Variants in PTPRC observed in about 807,000 individuals in gnomAD.
The protein encoded by PTPRC is receptor-type tyrosine-protein phosphatase C.
PTPRC carries 44 observed loss-of-function variants against 155.9 expected under a neutral mutation model. That is an observed-to-expected ratio of 0.28 (90% CI 0.22 to 0.36). The LOEUF (loss-of-function observed/expected upper bound fraction) is 0.36. PTPRC is among the 10% of genes least tolerant of loss of function. The probability of loss-of-function intolerance (pLI) is 1.00; values close to 1 mark genes in which losing one functional copy is unlikely to be tolerated. For synonymous variants in PTPRC, 525 were observed against 533.1 expected (o/e 0.98, Z 0.21); for missense variants, 1,401 against 1,564.6 (o/e 0.90, Z 1.76).
intron 2 of PTPRC, among the ~76,000 whole-genome samples, chr1:198,683,921 T>C (rs1665475992): frequency 6.6e-6 from 1 of 151,662 alleles, no homozygotes; most frequent in Admixed American, 6.6e-5. Context: ...GCAAATACTT[T>C]TAGGAGATCT....
chr1:198,665,883 A>G (rs937602018), intron 2 of PTPRC, among the ~76,000 whole-genome samples: 1 of 152,194 alleles, frequency 6.6e-6, no homozygotes, highest in African/African-American at 2.4e-5. Context: ...CCCTGGAAAG[A>G]CATCCCAAGT....
intron 23 of PTPRC, 96 bp from the exon 24 acceptor site, chr1:198,741,773 C>A (rs374906121): frequency 8.9e-6 from 11 of 1,232,212 alleles, no homozygotes; most frequent in African/African-American, 1.5e-5. Context: ...TATGTTTACA[C>A]GAGGAGACTT....
At chr1:198,725,988 G>T (rs558711729) in intron 15 of PTPRC, among the ~76,000 whole-genome samples, 1 of 152,140 alleles carries the variant, frequency 6.6e-6, no homozygotes, top group South Asian at 2.1e-4. Flanking sequence ...ATATTAGCAG[G>T]GTTCCTGGAA....
chr1:198,666,212 G>T (rs998412706), intron 2 of PTPRC, among the ~76,000 whole-genome samples: 1 of 143,872 alleles, frequency 7.0e-6, no homozygotes, highest in Non-Finnish European at 1.5e-5. Flanking sequence ...CAGCATTCTA[G>T]CCTGGGCAAC....
intron 26 of PTPRC, among the ~76,000 whole-genome samples, chr1:198,746,321 G>C (rs1655130544): frequency 6.6e-6 from 1 of 151,950 alleles, no homozygotes; most frequent in East Asian, 2.0e-4. Context: ...TGGTTTGCAA[G>C]TAGAATCAGG....
At position 198,735,170 on chromosome 1, in the gene PTPRC, G is replaced by A. The variant is rs755859528; in HGVS notation, c.2321G>A (p.Arg774Gln). ...EYWPSMEEGT[R>Q]AFGDVVVKIN... ...TGGCCGTCAATGGAAGAGGGCACTC[G>A]GGCTTTTGGAGATGTTGTTGTAAAG... Residue 774 changes from arginine (R) to glutamine (Q), a missense_variant, in exon 23 of 33, where the codon CGG (arginine) becomes CAG (glutamine). By Grantham distance (43) the Arg-to-Gln change is conservative. Transcript: ENST00000442510. 1.2e-5 allele frequency: 20 copies of A among 1,603,610 alleles called. No homozygotes were observed. The highest frequency in any genetic ancestry group is 4.5e-5 in the East Asian group (2 of 44,464).
intron 4 of PTPRC, among the ~76,000 whole-genome samples, chr1:198,699,147 C>T (rs768093086): frequency 6.6e-6 from 1 of 152,204 alleles, no homozygotes; most frequent in Non-Finnish European, 1.5e-5. Context: ...TCTGTCACAT[C>T]TCTTGTCCAT....
chr1:198,707,067 G>A (rs1254935563), intron 9 of PTPRC, 115 bp downstream of exon 9: 1 of 832,990 alleles, frequency 1.2e-6, no homozygotes, highest in Non-Finnish European at 1.9e-6. Flanking sequence ...TGAGGGAAAG[G>A]AAATTCCTTG....
intron 4 of PTPRC, among the ~76,000 whole-genome samples, chr1:198,697,433 C>A (rs1252858769): frequency 6.6e-6 from 1 of 152,166 alleles, no homozygotes; most frequent in African/African-American, 2.4e-5. Context: ...GCATTTGCAT[C>A]ATTGAAAACA....
In PTPRC at chr1:198,735,262, CT is replaced by C; in HGVS notation, c.2403+15del. On this transcript the variant is annotated intron_variant, in intron 23 of 32. Coordinates refer to ENST00000442510, the MANE Select transcript of PTPRC (RefSeq NM_002838.5). Reference sequence around the variant, plus strand: ...ATTGAACATTGTAAATGTGAGTTTGCTTTTTACATAATTTTTGTTTTGATAC... The same window carrying C: ...ATTGAACATTGTAAATGTGAGTTTGCTTTTACATAATTTTTGTTTTGATAC... The C allele has an allele frequency of 6.3e-7, 1 of 1,591,246 alleles. No homozygotes were observed. The highest frequency in any genetic ancestry group is 8.6e-7 in the Non-Finnish European group (1 of 1,166,264).
At chr1:198,664,770 T>A (rs192624765) in intron 2 of PTPRC, among the ~76,000 whole-genome samples, 1 of 152,132 alleles carries the variant, frequency 6.6e-6, no homozygotes, top group African/African-American at 2.4e-5. Context: ...ATAACCCTGA[T>A]AGTTGCTAGA....
At chr1:198,690,904 T>C (rs1441105707) in intron 2 of PTPRC, among the ~76,000 whole-genome samples, 1 of 152,106 alleles carries the variant, frequency 6.6e-6, no homozygotes, top group Admixed American at 6.5e-5. Context: ...AGCTGCTCTT[T>C]TCAACATTTC....
intron 2 of PTPRC, among the ~76,000 whole-genome samples, chr1:198,650,853 G>GA: frequency 6.6e-6 from 1 of 151,676 alleles, no homozygotes; most frequent in South Asian, 2.1e-4. Context: ...GGTAGCCAGT[G>GA]AAAAAAAGTA....
chr1:198,743,810 A>G (rs1655020634), intron 25 of PTPRC, among the ~76,000 whole-genome samples: 1 of 151,874 alleles, frequency 6.6e-6, no homozygotes, highest in South Asian at 2.1e-4. Context: ...TACAGAGTAC[A>G]TGGATAATCT....
intron 6 of PTPRC, 102 bp from the exon 7 acceptor site, chr1:198,703,196 G>T: frequency 6.4e-7 from 1 of 1,551,504 alleles, no homozygotes; most frequent in Non-Finnish European, 8.8e-7. Flanking sequence ...GACTCCTAGA[G>T]CAAAGATGCC....
intron 26 of PTPRC, among the ~76,000 whole-genome samples, 178 bp downstream of exon 26, chr1:198,744,381 C>T (rs1482765310): frequency 2.6e-5 from 4 of 151,826 alleles, no homozygotes; most frequent in East Asian, 3.9e-4. Context: ...TGAATCTACA[C>T]AACTATTACA....
At chr1:198,750,755 C>T (rs1427912443) in intron 29 of PTPRC, 129 bp downstream of exon 29, 8 of 1,196,650 alleles carry the variant, frequency 6.7e-6, no homozygotes, top group Non-Finnish European at 9.7e-6. Context: ...TCTGTCTGCT[C>T]AGTCTTACCC....
At chr1:198,653,114 A>G (rs558782425) in intron 2 of PTPRC, among the ~76,000 whole-genome samples, 1 of 151,994 alleles carries the variant, frequency 6.6e-6, no homozygotes, top group African/African-American at 2.4e-5. Context: ...TTAACTGTAC[A>G]TATCTTCCCA....
chr1:198,702,359 A>G (rs1666503800), intron 5 of PTPRC, 28 bp from the exon 6 acceptor site: 26 of 1,614,076 alleles, frequency 1.6e-5, no homozygotes, highest in Non-Finnish European at 1.9e-5. Flanking sequence ...GACACAAGTG[A>G]CAGTGCTGAT....
Sources: allele counts gnomAD v4.1 joint callset (sites outside exome capture counted in the v4.1 genomes callset), GRCh38; gene constraint gnomAD v4.1.1; transcripts MANE v1.5; gene names NCBI Gene and HGNC (gene_info 2026-07-23, HGNC 2026-07-21).